CYP3A4: variants seen among roughly 807,000 people sequenced by gnomAD.
CYP3A4 encodes the protein cytochrome P450 3A4.
A neutral mutation model predicts 54.9 loss-of-function variants in CYP3A4; 41 were observed. The ratio of observed to expected loss-of-function variants is 0.75; its 90% CI spans 0.58 to 0.97. The LOEUF (loss-of-function observed/expected upper bound fraction) is 0.97, where lower values mean the gene tolerates loss of function less well. CYP3A4 is among the 50% of genes least tolerant of loss of function. The probability of loss-of-function intolerance (pLI) is 0.00; values close to 1 mark genes in which losing one functional copy is unlikely to be tolerated. For missense variants in CYP3A4, 510 were observed against 597.3 expected (o/e 0.85, Z 1.52); for synonymous variants, 179 against 205.2 (o/e 0.87, Z 1.09).
chr7:99,758,140 C>T lies in CYP3A4; in HGVS notation c.1505G>A (p.Gly502Glu), dbSNP rs775072566. The part of the protein sequence containing the change: ...KVESRDGTVS[G>E]A ...AGAAGTCCTTAGGAAAATTCAGGCTCCACTTACGGTGCCATCCCTTGACTC... is the reference window on the plus strand; with the variant it reads ...AGAAGTCCTTAGGAAAATTCAGGCTTCACTTACGGTGCCATCCCTTGACTC... Residue 502 changes from glycine (G) to glutamate (E), a missense_variant, in exon 13 of 13, where the codon GGA (glycine) becomes GAA (glutamate). This residue lies in a region of CYP3A4 where 238 missense variants were observed against 322.5 expected (regional missense o/e 0.74). Coordinates refer to ENST00000651514, the MANE Select transcript of CYP3A4 (RefSeq NM_017460.6). 5 of 1,613,736 alleles carry T rather than the reference C, an allele frequency of 3.1e-6. No homozygotes were observed. The highest frequency in any genetic ancestry group is 3.4e-6 in the Non-Finnish European group (4 of 1,179,764).
At chr7:99,779,039 T>C (rs563022613) in intron 2 of CYP3A4, among the ~76,000 whole-genome samples, 1 of 152,326 alleles carries the variant, frequency 6.6e-6, no homozygotes, top group African/African-American at 2.4e-5. Context: ...CATGTGGACA[T>C]GGGCTCCTAA....
At chr7:99,771,777 A>G (rs1404012711) in intron 4 of CYP3A4, among the ~76,000 whole-genome samples, 1 of 152,224 alleles carries the variant, frequency 6.6e-6, no homozygotes, top group Non-Finnish European at 1.5e-5. Flanking sequence ...ACAGTGATCA[A>G]TGGGACACAG....
In CYP3A4 at chr7:99,784,033, C is replaced by T. The variant is rs1266558880; in HGVS notation, c.49G>A (p.Val17Ile). ...CACAGATAGAGGAGCACCAGGCTGA[C>T]AGCCAGGAGAAGCCAGGTTTCCATG... ...LAMETWLLLA[V>I]SLVLLYLYGT... is the part of the protein sequence containing the mutation. The change falls in exon 1 of 13, where the codon GTC becomes ATC. Residue 17 changes from valine to isoleucine, a missense_variant. By Grantham distance (29) the Val-to-Ile change is conservative. This residue lies in a region of CYP3A4 where 272 missense variants were observed against 274.9 expected (regional missense o/e 0.99). Transcript: ENST00000651514. 2 of 1,613,806 alleles carry T rather than the reference C, an allele frequency of 1.2e-6. No individual in the cohort carries two copies. The highest frequency in any genetic ancestry group is 1.7e-6 in the Non-Finnish European group (2 of 1,179,846).
At chr7:99,780,667 A>T (rs181425789) in intron 1 of CYP3A4, among the ~76,000 whole-genome samples, 117 of 152,312 alleles carry the variant, frequency 7.7e-4, no homozygotes, top group African/African-American at 2.6e-3. Flanking sequence ...TCATTCACAG[A>T]GAGGTCTTGG....
At chr7:99,783,702 G>A (rs576790970) in intron 1 of CYP3A4, among the ~76,000 whole-genome samples, 3 of 143,156 alleles carry the variant, frequency 2.1e-5, no homozygotes, top group African/African-American at 7.6e-5. Context: ...TCCGCCTGCC[G>A]GGTTCAAGCA....
rs140752217 is a variant in CYP3A4 at position 99,774,243 on chromosome 7, A to C, written c.219-1554T>G. On this transcript the variant is annotated intron_variant, in intron 3 of 12. Coordinates refer to ENST00000651514, the MANE Select transcript of CYP3A4 (RefSeq NM_017460.6). ...AAAGTCCAGGACCAAATGGATTCAC[A>C]GCTGAATTCTACCAGAGATACAAAG... Among the ~76,000 whole-genome samples the C allele has an allele frequency of 1.5e-4, 23 of 152,354 alleles. No homozygotes were observed. The East Asian group carries it at 4.4e-3, about 29-fold the overall frequency.
intron 4 of CYP3A4, among the ~76,000 whole-genome samples, chr7:99,771,859 G>A (rs1453199748): frequency 2.0e-5 from 3 of 152,100 alleles, no homozygotes; most frequent in Admixed American, 6.6e-5. Context: ...CAAAAATGGC[G>A]TTGGAGGAAT....
chr7:99,764,155 G>A, intron 9 of CYP3A4, 140 bp from the exon 10 acceptor site: 2 of 1,252,146 alleles, frequency 1.6e-6, no homozygotes, highest in Non-Finnish European at 2.2e-6. Flanking sequence ...ACTGGGGGTG[G>A]TTTCATTCTG....
chr7:99,781,895 G>T (rs556767318), intron 1 of CYP3A4, among the ~76,000 whole-genome samples: 10 of 152,292 alleles, frequency 6.6e-5, no homozygotes, highest in Admixed American at 5.9e-4. Flanking sequence ...GACAGTATAG[G>T]TTCCAAATAT....
At chr7:99,778,587 G>A (rs1442922875) in intron 2 of CYP3A4, among the ~76,000 whole-genome samples, 2 of 152,178 alleles carry the variant, frequency 1.3e-5, no homozygotes, top group Admixed American at 6.5e-5. Context: ...GCAGATTTAG[G>A]TAAGTATGAG....
chr7:99,782,740 G>A (rs963522243), intron 1 of CYP3A4, among the ~76,000 whole-genome samples: 6 of 152,164 alleles, frequency 3.9e-5, no homozygotes, highest in African/African-American at 1.2e-4. Context: ...CTGGCTCACA[G>A]TCTTGCTTAC....
chr7:99,782,095 C>T (rs1403850948), intron 1 of CYP3A4, among the ~76,000 whole-genome samples: 1 of 152,182 alleles, frequency 6.6e-6, no homozygotes. Flanking sequence ...TTGGGTTTTC[C>T]CACTCCTGTT....
rs115456018 is a variant in CYP3A4 at position 99,781,995 on chromosome 7, C to G, written c.72-1910G>C. 3.4e-3 allele frequency among the ~76,000 whole-genome samples: 518 copies of G among 152,338 alleles called. 3 individuals carry two copies. Among genetic ancestry groups the G allele is most frequent in the African/African-American group, 0.011 (474 of 41,580 alleles). On this transcript the variant is annotated intron_variant, in intron 1 of 12. Coordinates refer to ENST00000651514, the MANE Select transcript of CYP3A4 (RefSeq NM_017460.6). ...TCATGTTTGGGGGACCCAGCAGAAG[C>G]AGCATAGCCAGGCCCAATAGTGCAT...
At chr7:99,769,497 A>T in intron 6 of CYP3A4, 1 of 450,510 alleles carries the variant, frequency 2.2e-6, no homozygotes. Context: ...CCCCTAAAGG[A>T]TATATTTAGT....
rs541281128 is a variant in CYP3A4, at chr7:99,778,886, C to T, written c.166-806G>A. ...GGAAAAGGTGGCGGGGAAATTATTG[C>T]TTTTGCACAGGGAAAAAATATGAAA... is the stretch of plus-strand genomic sequence containing the variant. On this transcript the variant is annotated intron_variant, in intron 2 of 12. Transcript: ENST00000651514. 1.1e-4 allele frequency among the ~76,000 whole-genome samples: 17 copies of T among 152,232 alleles called. No individual in the cohort carries two copies. In the South Asian group the frequency reaches 2.3e-3, roughly 20 times the overall value.
At position 99,769,775 on chromosome 7, in the gene CYP3A4, A is replaced by G; in HGVS notation, c.514T>C (p.Leu172=). 6.2e-7 allele frequency: 1 copy of G among 1,613,916 alleles called. No individual in the cohort carries two copies. Among genetic ancestry groups the G allele is most frequent in the Admixed American group, 1.7e-5 (1 of 60,006 alleles). Residue 172 remains leucine, a synonymous_variant, in exon 6 of 13, where the codon TTG becomes CTG. Coordinates refer to ENST00000651514, the MANE Select transcript of CYP3A4 (RefSeq NM_017460.6). The part of the protein sequence containing the change: ...REAETGKPVT[L]KDVFGAYSMD... ...GGCTGCGCTTCTACTTACTCTTTCAAGGTGACAGGCTTGCCTGTCTCTGCT... is the reference window on the plus strand; with the variant it reads ...GGCTGCGCTTCTACTTACTCTTTCAGGGTGACAGGCTTGCCTGTCTCTGCT...
chr7:99,774,914 T>C (rs1815722155), intron 3 of CYP3A4, among the ~76,000 whole-genome samples: 1 of 152,182 alleles, frequency 6.6e-6, no homozygotes, highest in African/African-American at 2.4e-5. Context: ...TGTTTGCAGA[T>C]GACATGATTG....
At chr7:99,767,095 A>G in intron 8 of CYP3A4, 36 bp downstream of exon 8, 1 of 1,593,378 alleles carries the variant, frequency 6.3e-7, no homozygotes. Flanking sequence ...ATTATGAAAA[A>G]CTAAACATCC....
At chr7:99,783,872 G>A in intron 1 of CYP3A4, 139 bp downstream of exon 1, 1 of 963,862 alleles carries the variant, frequency 1.0e-6, no homozygotes, top group Non-Finnish European at 1.6e-6. Flanking sequence ...GCCTCCCAAA[G>A]TGCTGGGATT....
Sources: allele counts gnomAD v4.1 joint callset (sites outside exome capture counted in the v4.1 genomes callset), GRCh38; gene constraint gnomAD v4.1.1; regional missense constraint gnomAD v4.1.1; transcripts MANE v1.5; gene names NCBI Gene and HGNC (gene_info 2026-07-23, HGNC 2026-07-21).